The following HTRA4 variants were observed in gnomAD, a reference collection of about 807,000 sequenced individuals.
HTRA4 encodes the protein HtrA serine peptidase 4, also known as serine protease HTRA4.
HTRA4 carries 46 observed loss-of-function variants against 49.1 expected under a neutral mutation model. The observed-to-expected ratio is 0.94, with a 90% CI of 0.74 to 1.20. The LOEUF (loss-of-function observed/expected upper bound fraction) is 1.20, where lower values mean the gene tolerates loss of function less well. Ranked by LOEUF, HTRA4 falls within the 50% of genes most tolerant of loss-of-function variation. The pLI is 0.00. For missense variants in HTRA4, 602 were observed against 636.9 expected, an observed-to-expected ratio of 0.95 and a Z score of 0.59; for synonymous variants, 261 against 264.0, an observed-to-expected ratio of 0.99 and a Z score of 0.11.
intron 5 of HTRA4, among the ~76,000 whole-genome samples, chr8:38,980,157 A>C (rs185979406): frequency 2.6e-5 from 4 of 152,288 alleles, no homozygotes; most frequent in South Asian, 4.1e-4. Flanking sequence ...AAGAGAGTGC[A>C]ATGCTGTTTG....
At chr8:38,985,005 G>A (rs1835467168) in intron 8 of HTRA4, among the ~76,000 whole-genome samples, 1 of 152,140 alleles carries the variant, frequency 6.6e-6, no homozygotes, top group Admixed American at 6.5e-5. Context: ...TCAGAGGCCA[G>A]CGCTAAGACC....
chr8:38,974,848 G>A, intron 1 of HTRA4, 119 bp downstream of exon 1: 1 of 1,172,892 alleles, frequency 8.5e-7, no homozygotes, highest in Non-Finnish European at 1.2e-6. Context: ...TTTGCCTCCT[G>A]GATTCGACAC....
chr8:38,983,357 T>C (rs1187077094), intron 8 of HTRA4, among the ~76,000 whole-genome samples: 1 of 152,186 alleles, frequency 6.6e-6, no homozygotes. Flanking sequence ...GCCAACATAC[T>C]GAAACCCCGT....
At chr8:38,975,317 A>T in intron 2 of HTRA4, among the ~76,000 whole-genome samples, 187 bp downstream of exon 2, 1 of 152,242 alleles carries the variant, frequency 6.6e-6, no homozygotes, top group East Asian at 1.9e-4. Flanking sequence ...GCTGACTTCT[A>T]AATCCCAGCT....
intron 6 of HTRA4, 109 bp from the exon 7 acceptor site, chr8:38,982,389 C>A (rs1432159757): frequency 5.5e-6 from 5 of 908,800 alleles, no homozygotes; most frequent in Non-Finnish European, 8.8e-6. Flanking sequence ...ATCCAGGTAA[C>A]CTGAAAGGAC....
chr8:38,983,219 G>A (rs56252379), intron 8 of HTRA4, among the ~76,000 whole-genome samples, 171 bp downstream of exon 8: 10,588 of 152,208 alleles, frequency 0.07, 508 homozygotes, highest in Non-Finnish European at 0.1. Context: ...ACTGAATTTT[G>A]AATTAAAGTA....
chr8:38,984,455 A>AT (rs1373316075), intron 8 of HTRA4, among the ~76,000 whole-genome samples: 5 of 151,876 alleles, frequency 3.3e-5, no homozygotes, highest in African/African-American at 1.2e-4. Context: ...TCTACAAAAA[A>AT]TAAAAATTAG....
chr8:38,988,475 G>GCAGT lies in HTRA4; in HGVS notation c.*378_*381dup, dbSNP rs1404273368. Reference sequence around the variant, plus strand: ...GGGGAACAACACACACTGGGGCCTGGCAGTGGGTAGGGTAGAGGGAGGGAG... The same window carrying GCAGT: ...GGGGAACAACACACACTGGGGCCTGGCAGTCAGTGGGTAGGGTAGAGGGAGGGAG... On this transcript the variant is annotated 3_prime_UTR_variant, in exon 9 of 9. Transcript: ENST00000302495. The GCAGT allele has an allele frequency of 1.3e-5, 2 of 158,816 alleles. No individual in the cohort carries two copies. The highest frequency in any genetic ancestry group is 2.4e-5 in the African/African-American group (1 of 41,514). 9.8% of individuals were successfully genotyped at this position (158,816 alleles called of 1,614,324 possible). A position where few individuals can be genotyped will look rare whatever the true frequency, so the allele number is the denominator to read the frequency against.
chr8:38,983,097 T>A, intron 8 of HTRA4, 49 bp downstream of exon 8: 1 of 1,263,822 alleles, frequency 7.9e-7, no homozygotes, highest in Non-Finnish European at 1.2e-6. Context: ...TTTCTAAATG[T>A]GTGCCATGGT....
chr8:38,974,241 A>G lies in HTRA4; in HGVS notation c.-23A>G. On this transcript the variant is annotated 5_prime_UTR_variant, in exon 1 of 9. Coordinates refer to ENST00000302495, the MANE Select transcript of HTRA4 (RefSeq NM_153692.4). ...CAGGTCCAGAGTAAAGTCACTGAAG[A>G]GTGGAAGCGAGGAAGGAACAGGATG... 6.2e-7 allele frequency: 1 copy of G among 1,610,920 alleles called. No homozygotes were observed. The highest frequency in any genetic ancestry group is 2.2e-5 in the East Asian group (1 of 44,824).
At chr8:38,980,554 C>T (rs1267454875) in intron 5 of HTRA4, among the ~76,000 whole-genome samples, 2 of 147,994 alleles carry the variant, frequency 1.4e-5, no homozygotes, top group African/African-American at 5.0e-5. Context: ...ATGGTGAAAC[C>T]CCATCTCTAC....
chr8:38,974,668 C>T lies in HTRA4; in HGVS notation c.405C>T (p.Ala135=). ...GCGCGCTCCGGGCCGAAAACCGCGC[C>T]GCGCGCCGCCTGGGCAAGGTCCCGG... ...SMCALRAENR[A]ARRLGKVPAV... The change falls in exon 1 of 9, where the codon GCC becomes GCT. Residue 135 remains alanine (A), a synonymous_variant. Coordinates refer to ENST00000302495, the MANE Select transcript of HTRA4 (RefSeq NM_153692.4). 1 of 1,400,112 alleles carries T rather than the reference C, an allele frequency of 7.1e-7. No individual in the cohort carries two copies. The highest frequency in any genetic ancestry group is 9.2e-7 in the Non-Finnish European group (1 of 1,086,874). 86.7% of individuals were successfully genotyped at this position (1,400,112 alleles called of 1,614,324 possible).
At chr8:38,981,062 A>AGTTT (rs1564178868) in intron 5 of HTRA4, among the ~76,000 whole-genome samples, 2 of 74,154 alleles carry the variant, frequency 2.7e-5, no homozygotes, top group African/African-American at 4.6e-5. Flanking sequence ...AATGAGCTTA[A>AGTTT]GTTTTTTTTT....
intron 8 of HTRA4, among the ~76,000 whole-genome samples, chr8:38,987,625 G>GTTGA (rs781312023): frequency 2.0e-5 from 3 of 152,082 alleles, no homozygotes; most frequent in Non-Finnish European, 2.9e-5. Flanking sequence ...GAGGTCAGGG[G>GTTGA]TTGATAGAAA....
chr8:38,974,691 C>G lies in HTRA4; in HGVS notation c.428C>G (p.Pro143Arg), dbSNP rs148320690. The change falls in exon 1 of 9, where the codon CCG (proline) becomes CGG (arginine). Residue 143 changes from proline to arginine, a missense_variant. Transcript: ENST00000302495. The part of the protein sequence containing the change: ...NRAARRLGKV[P>R]AVPVQWGNCG... ...GCCGCGCGCCGCCTGGGCAAGGTCC[C>G]GGCCGTGCCTGTGCAGTGGGGGAAC... is the stretch of plus-strand genomic sequence containing the variant. The G allele has an allele frequency of 3.2e-4, 450 of 1,411,274 alleles. No individual in the cohort carries two copies. In the Middle Eastern group the frequency reaches 5.7e-3, roughly 18 times the overall value. The allele number at this position is 1,411,274 out of a possible 1,614,324, so 87.4% of individuals were successfully genotyped here.
chr8:38,974,561 C>A lies in HTRA4; in HGVS notation c.298C>A (p.Pro100Thr), dbSNP rs746972270. The part of the protein sequence containing the change: ...PGLQCLQPLR[P>T]GFPSTCGCPT... ...GCTGCAGTGCCTCCAGCCGCTGCGC[C>A]CCGGGTTCCCCAGCACCTGCGGTTG... The change falls in exon 1 of 9, where the codon CCC (proline) becomes ACC (threonine). Residue 100 changes from proline (P) to threonine (T), a missense_variant. Pro to Thr is a conservative substitution (Grantham distance 38, BLOSUM62 -1). Coordinates refer to ENST00000302495, the MANE Select transcript of HTRA4 (RefSeq NM_153692.4). 1 of 1,405,702 alleles carries A rather than the reference C, an allele frequency of 7.1e-7. No homozygotes were observed. The highest frequency in any genetic ancestry group is 1.5e-5 in the South Asian group (1 of 65,054). The allele number at this position is 1,405,702 out of a possible 1,614,324, so 87.1% of individuals were successfully genotyped here. A position where few individuals can be genotyped will look rare whatever the true frequency, so the allele number is the denominator to read the frequency against.
Position 38,974,696 on chromosome 8 carries a change from G to T in HTRA4, c.433G>T (p.Val145Leu), listed in dbSNP as rs762695453. The T allele has an allele frequency of 7.1e-7, 1 of 1,414,074 alleles. No homozygotes were observed. Among genetic ancestry groups the T allele is most frequent in the Admixed American group, 3.2e-5 (1 of 31,128 alleles). 87.6% of individuals were successfully genotyped at this position (1,414,074 alleles called of 1,614,324 possible). The change falls in exon 1 of 9, where the codon GTG (valine) becomes TTG (leucine). Residue 145 changes from valine (V) to leucine (L), a missense_variant. Physicochemically the swap from Val to Leu is conservative, Grantham distance 32. Transcript: ENST00000302495. ...AARRLGKVPA[V>L]PVQWGNCGDT... ...GCGCCGCCTGGGCAAGGTCCCGGCC[G>T]TGCCTGTGCAGTGGGGGAACTGCGG...
rs376605507 is a variant in HTRA4 at position 38,978,006 on chromosome 8, G to A, written c.825G>A (p.Glu275=). 1 of 1,614,184 alleles carries A rather than the reference G, an allele frequency of 6.2e-7. No individual in the cohort carries two copies. Among genetic ancestry groups the A allele is most frequent in the Non-Finnish European group, 8.5e-7 (1 of 1,180,044 alleles). The change falls in exon 4 of 9, where the codon GAG becomes GAA. Residue 275 remains glutamate (E), a synonymous_variant. Coordinates refer to ENST00000302495, the MANE Select transcript of HTRA4 (RefSeq NM_153692.4). ...GATCATCTGACCTTCGGGCTGGAGA[G>A]TTTGTGGTGGCTTTGGGCAGCCCAT... ...LGRSSDLRAG[E]FVVALGSPFS... is the part of the protein sequence containing the mutation.
intron 4 of HTRA4, 150 bp downstream of exon 4, chr8:38,978,297 G>A (rs1212768077): frequency 2.2e-5 from 14 of 650,950 alleles, no homozygotes; most frequent in African/African-American, 1.3e-4. Flanking sequence ...GATCAGTGGC[G>A]GCATTAAATT....
Sources: gnomAD v4.1 joint callset for allele counts (sites outside exome capture counted in the v4.1 genomes callset) on GRCh38, gnomAD v4.1.1 for gene constraint, MANE v1.5 for transcripts, NCBI Gene and HGNC (gene_info 2026-07-23, HGNC 2026-07-21) for gene names.